Variants in CDIP1 observed in about 807,000 individuals in gnomAD.
The protein encoded by CDIP1 is cell death inducing p53 target 1, also known as cell death-inducing p53-target protein 1.
In CDIP1, 9 loss-of-function variants were observed where a neutral mutation model predicts 17.7. The ratio of observed to expected loss-of-function variants is 0.51; its 90% confidence interval spans 0.31 to 0.89. The LOEUF (loss-of-function observed/expected upper bound fraction) is 0.89. Ranked by LOEUF, CDIP1 falls within the 40% of genes least tolerant of loss-of-function variation. The pLI, the probability that CDIP1 is intolerant of heterozygous loss-of-function variation, is 0.05. For synonymous variants in CDIP1, 117 were observed against 109.5 expected, an observed-to-expected ratio of 1.07 and a Z score of -0.43; for missense variants, 263 against 277.9, an observed-to-expected ratio of 0.95 and a Z score of 0.38.
chr16:4,519,311 C>T (rs2058920368), intron 1 of CDIP1, among the ~76,000 whole-genome samples: 1 of 152,198 alleles, frequency 6.6e-6, no homozygotes, highest in South Asian at 2.1e-4. Flanking sequence ...GTCAGTTCTG[C>T]AGCGGACACC....
chr16:4,524,186 G>A (rs892294188), intron 1 of CDIP1: 1 of 152,214 alleles, frequency 6.6e-6, no homozygotes, highest in Non-Finnish European at 1.5e-5. Flanking sequence ...GTTCTTGGAA[G>A]GCTGAACAAA....
rs553438840 is a variant in CDIP1, at chr16:4,522,611, A to G, written c.-104-7947T>C. On this transcript the variant is annotated intron_variant, in intron 1 of 5. Coordinates refer to ENST00000567695, the MANE Select transcript of CDIP1 (RefSeq NM_013399.3). ...GTGCCCACTGCTCCATGAGGGGCAGAGCCGAGGTAAAAGACAAACACTCTC... is the reference window on the plus strand; with the variant it reads ...GTGCCCACTGCTCCATGAGGGGCAGGGCCGAGGTAAAAGACAAACACTCTC... 5.9e-5 allele frequency: 9 copies of G among 152,404 alleles called. No homozygotes were observed. In the South Asian group the frequency reaches 1.9e-3, roughly 32 times the overall value. 9.4% of individuals were successfully genotyped at this position (152,404 alleles called of 1,614,324 possible). A position where few individuals can be genotyped will look rare whatever the true frequency, so the allele number is the denominator to read the frequency against.
intron 1 of CDIP1, among the ~76,000 whole-genome samples, chr16:4,535,072 G>A (rs1329539047): frequency 2.0e-5 from 3 of 152,024 alleles, no homozygotes; most frequent in East Asian, 1.9e-4. Flanking sequence ...GAAGTAATAC[G>A]GGTTGAAATT....
chr16:4,520,312 C>T (rs568646710), intron 1 of CDIP1, among the ~76,000 whole-genome samples: 14 of 152,220 alleles, frequency 9.2e-5, no homozygotes, highest in Admixed American at 3.9e-4. Context: ...ACCATGTTGA[C>T]CAGGATGGTC....
intron 1 of CDIP1, among the ~76,000 whole-genome samples, chr16:4,518,237 G>A (rs907857214): frequency 6.6e-6 from 1 of 152,238 alleles, no homozygotes; most frequent in African/African-American, 2.4e-5. Context: ...TTTCATCAAA[G>A]TCAACAGATA....
At chr16:4,523,073 T>G (rs2058967323) in intron 1 of CDIP1, among the ~76,000 whole-genome samples, 1 of 152,240 alleles carries the variant, frequency 6.6e-6, no homozygotes, top group Non-Finnish European at 1.5e-5. Flanking sequence ...CTGTTCCGCC[T>G]ATTCTCCCAA....
At chr16:4,538,399 G>C (rs1027113108) in intron 1 of CDIP1, 1 of 152,392 alleles carries the variant, frequency 6.6e-6, no homozygotes, top group African/African-American at 2.4e-5. Flanking sequence ...GGCAGAACAA[G>C]ACCCTCAGCC....
Position 4,513,236 on chromosome 16 carries a change from A to C in CDIP1, c.242-172T>G, listed in dbSNP as rs2058852098. Among the ~76,000 whole-genome samples the C allele has an allele frequency of 6.6e-6, 1 of 152,144 alleles. No individual in the cohort carries two copies. The highest frequency in any genetic ancestry group is 1.5e-5 in the Non-Finnish European group (1 of 68,002). ...GGGAGGCCTTACAGCTGGGGCCCTA[A>C]GTCAAGTGGGGCCACATTCTCCCAG... On this transcript the variant is annotated intron_variant, in intron 4 of 5. Coordinates refer to ENST00000567695, the MANE Select transcript of CDIP1 (RefSeq NM_013399.3). The surrounding 1 kb of genome is among the most constrained non-coding windows in gnomAD (Gnocchi z 4.1).
chr16:4,515,033 CT>C (rs905921919), intron 1 of CDIP1: 19 of 152,526 alleles, frequency 1.2e-4, no homozygotes, highest in African/African-American at 3.4e-4. Context: ...CAAGTGAAAT[CT>C]TTTCCCTCAT....
rs373956326 is a variant in CDIP1, at chr16:4,527,395, G to C, written c.-105+11307C>G. 9.9e-5 allele frequency among the ~76,000 whole-genome samples: 15 copies of C among 152,128 alleles called. No homozygotes were observed. In the East Asian group the frequency reaches 2.9e-3, roughly 29 times the overall value. ...TGCCACCGCACCCGGTGACACTGTT[G>C]CTCTTAAGCAGAAGCAAAATCAAAA... On this transcript the variant is annotated intron_variant, in intron 1 of 5. Coordinates refer to ENST00000567695, the MANE Select transcript of CDIP1 (RefSeq NM_013399.3).
chr16:4,523,462 C>T (rs2058971040), intron 1 of CDIP1, among the ~76,000 whole-genome samples: 1 of 152,000 alleles, frequency 6.6e-6, no homozygotes, highest in Non-Finnish European at 1.5e-5. Flanking sequence ...TGTAGTGAGC[C>T]AAGATCGCGC....
intron 1 of CDIP1, among the ~76,000 whole-genome samples, chr16:4,519,746 G>A (rs1225513664): frequency 6.6e-6 from 1 of 151,944 alleles, no homozygotes; most frequent in East Asian, 1.9e-4. Context: ...GTTAGTCCCC[G>A]CATCCTTGCT....
rs201766994 is a variant in CDIP1 at position 4,521,920 on chromosome 16, A to G, written c.-104-7256T>C. On this transcript the variant is annotated intron_variant, in intron 1 of 5. Transcript: ENST00000567695. ...GCAGAAACGCTGGGCCTAGCACACA[A>G]TGACGCTAAATAAATGGAAACTGCT... Among the ~76,000 whole-genome samples the G allele has an allele frequency of 2.6e-4, 40 of 152,292 alleles. No individual in the cohort carries two copies. In the East Asian group the frequency reaches 5.0e-3, roughly 19 times the overall value.
chr16:4,516,864 C>T (rs908860846), intron 1 of CDIP1, among the ~76,000 whole-genome samples: 2 of 151,978 alleles, frequency 1.3e-5, no homozygotes, highest in Non-Finnish European at 2.9e-5. Flanking sequence ...CACGGCACCA[C>T]GACTGGCTGA....
At chr16:4,528,164 G>A (rs1470835403) in intron 1 of CDIP1, among the ~76,000 whole-genome samples, 1 of 152,232 alleles carries the variant, frequency 6.6e-6, no homozygotes, top group Non-Finnish European at 1.5e-5. Flanking sequence ...TAATATAGCA[G>A]TGAGTGAAGA....
chr16:4,517,638 G>A (rs995625079), intron 1 of CDIP1, among the ~76,000 whole-genome samples: 1 of 152,130 alleles, frequency 6.6e-6, no homozygotes, highest in African/African-American at 2.4e-5. Context: ...CTACTGGGGA[G>A]GCTGAGGCAG....
Position 4,512,323 on chromosome 16 carries a change from G to A in CDIP1, c.*249C>T. 1 of 577,772 alleles carries A rather than the reference G, an allele frequency of 1.7e-6. No individual in the cohort carries two copies. Among genetic ancestry groups the A allele is most frequent in the Non-Finnish European group, 3.1e-6 (1 of 320,916 alleles). 35.8% of individuals were successfully genotyped at this position (577,772 alleles called of 1,614,324 possible). A position where few individuals can be genotyped will look rare whatever the true frequency, so the allele number is the denominator to read the frequency against. ...TTATCTTCCCGATCACACACACCAAGCAGACCAACAACACACAAGCTCATT... is the reference window on the plus strand; with the variant it reads ...TTATCTTCCCGATCACACACACCAAACAGACCAACAACACACAAGCTCATT... On this transcript the variant is annotated 3_prime_UTR_variant, in exon 6 of 6. Transcript: ENST00000567695. The surrounding 1 kb of genome is among the most constrained non-coding windows in gnomAD (Gnocchi z 4.6).
In CDIP1 at chr16:4,525,275, T is replaced by G. The variant is rs528964864; in HGVS notation, c.-104-10611A>C. ...TCCCTGGCGGGAAGGCTGGAGCAGATGCTTCCGTAGTTAAAACAGGCCCCG... is the reference window on the plus strand; with the variant it reads ...TCCCTGGCGGGAAGGCTGGAGCAGAGGCTTCCGTAGTTAAAACAGGCCCCG... On this transcript the variant is annotated intron_variant, in intron 1 of 5. Transcript: ENST00000567695. 2.6e-5 allele frequency among the ~76,000 whole-genome samples: 4 copies of G among 152,292 alleles called. No individual in the cohort carries two copies. In the South Asian group the frequency reaches 8.3e-4, roughly 32 times the overall value.
chr16:4,522,146 TCA>T, intron 1 of CDIP1, among the ~76,000 whole-genome samples: 1 of 152,240 alleles, frequency 6.6e-6, no homozygotes, highest in African/African-American at 2.4e-5. Flanking sequence ...CAGCGTTCCC[TCA>T]CAGCACAGCT....
Sources: allele counts gnomAD v4.1 joint callset (sites outside exome capture counted in the v4.1 genomes callset), GRCh38; gene constraint gnomAD v4.1.1; non-coding constraint Gnocchi (gnomAD v3.1); transcripts MANE v1.5; gene names NCBI Gene and HGNC (gene_info 2026-07-23, HGNC 2026-07-21).